Variants in KCNH7 observed in about 807,000 individuals in gnomAD.
KCNH7 encodes the protein potassium voltage-gated channel subfamily H member 7, also known as voltage-gated inwardly rectifying potassium channel KCNH7.
In KCNH7, 49 loss-of-function variants were observed where a neutral mutation model predicts 120.8. That is an observed-to-expected ratio of 0.41 (90% CI 0.32 to 0.51). The LOEUF is 0.51. Among genes scored for constraint, KCNH7 ranks in the 20% least tolerant of loss-of-function variants. The pLI is 0.38. For missense variants in KCNH7, 1,097 were observed against 1,446.6 expected, an observed-to-expected ratio of 0.76 and a Z score of 3.92; for synonymous variants, 547 against 516.1, an observed-to-expected ratio of 1.06 and a Z score of -0.81.
chr2:162,769,207 C>T (rs1394128962), intron 2 of KCNH7, among the ~76,000 whole-genome samples: 4 of 151,738 alleles, frequency 2.6e-5, no homozygotes, highest in Admixed American at 1.3e-4. Context: ...AACAGACCTC[C>T]GCTCTCTTGC....
intron 12 of KCNH7, among the ~76,000 whole-genome samples, chr2:162,392,226 T>C (rs565149838): frequency 7.2e-5 from 11 of 152,012 alleles, no homozygotes; most frequent in African/African-American, 2.6e-4. Flanking sequence ...AGATTGACTT[T>C]GATAAAAAAA....
chr2:162,665,321 T>C (rs1395582170), intron 2 of KCNH7, among the ~76,000 whole-genome samples: 3 of 152,122 alleles, frequency 2.0e-5, no homozygotes, highest in African/African-American at 4.8e-5. Flanking sequence ...ATTATAGGTA[T>C]ATTGAATAAA....
intron 9 of KCNH7, among the ~76,000 whole-genome samples, chr2:162,417,911 A>G (rs1247272823): frequency 6.6e-6 from 1 of 152,144 alleles, no homozygotes; most frequent in African/African-American, 2.4e-5. Flanking sequence ...ATTTTGAAGA[A>G]CTGTAGGGTA....
At chr2:162,624,642 T>A (rs2105202681) in intron 2 of KCNH7, among the ~76,000 whole-genome samples, 1 of 152,224 alleles carries the variant, frequency 6.6e-6, no homozygotes, top group East Asian at 1.9e-4. Context: ...ACGTCCTTAC[T>A]CATTTTAGCT....
rs575382400 is a variant in KCNH7 at position 162,669,776 on chromosome 2, A to G, written c.308-132696T>C. ...AAGAATTGTCTCGTCCCAAATGTCA[A>G]TAGTGCTGAGGTAATGTCTAAAGTA... On this transcript the variant is annotated intron_variant, in intron 2 of 15. Coordinates refer to ENST00000332142, the MANE Select transcript of KCNH7 (RefSeq NM_033272.4). Among the ~76,000 whole-genome samples, 17 of 152,286 alleles carry G rather than the reference A, an allele frequency of 1.1e-4. No homozygotes were observed. The South Asian group carries it at 3.1e-3, about 28-fold the overall frequency.
chr2:162,555,960 G>A (rs10203907), intron 2 of KCNH7, among the ~76,000 whole-genome samples: 12,159 of 151,874 alleles, frequency 0.08, 1,661 homozygotes, highest in African/African-American at 0.27. Flanking sequence ...AAAATAGAAC[G>A]CTGCGTATTC....
intron 8 of KCNH7, among the ~76,000 whole-genome samples, chr2:162,429,710 C>A (rs966765379): frequency 2.0e-5 from 3 of 151,566 alleles, no homozygotes; most frequent in Admixed American, 6.6e-5. Flanking sequence ...TTTTCTATAG[C>A]AGCATTTAAT....
At chr2:162,566,895 T>C (rs536787455) in intron 2 of KCNH7, among the ~76,000 whole-genome samples, 1 of 152,086 alleles carries the variant, frequency 6.6e-6, no homozygotes, top group South Asian at 2.1e-4. Flanking sequence ...TCGAGCCTAG[T>C]CTTAAAAAAA....
chr2:162,394,578 C>A, intron 11 of KCNH7, 93 bp from the exon 12 acceptor site: 1 of 749,102 alleles, frequency 1.3e-6, no homozygotes, highest in South Asian at 1.7e-5. Flanking sequence ...CATATTGTTT[C>A]AACCATCTTG....
In KCNH7 at chr2:162,689,254, A is replaced by T. The variant is rs369710594; in HGVS notation, c.307+147283T>A. Among the ~76,000 whole-genome samples, 24 of 152,146 alleles carry T rather than the reference A, an allele frequency of 1.6e-4. 1 individual carries two copies. The highest frequency in any genetic ancestry group is 1.1e-3 in the Admixed American group (17 of 15,264). On this transcript the variant is annotated intron_variant, in intron 2 of 15. Coordinates refer to ENST00000332142, the MANE Select transcript of KCNH7 (RefSeq NM_033272.4). ...CAACCTACATCTCCCAAGTTCAAGC[A>T]GTTCTCCTGTCTCAGCTTCCTGAGT...
At chr2:162,669,260 G>A (rs561934749) in intron 2 of KCNH7, among the ~76,000 whole-genome samples, 2 of 152,194 alleles carry the variant, frequency 1.3e-5, no homozygotes, top group African/African-American at 4.8e-5. Context: ...CCAATGTAGA[G>A]CAAATAAAAT....
chr2:162,660,326 A>G (rs866144364), intron 2 of KCNH7, among the ~76,000 whole-genome samples: 4 of 152,096 alleles, frequency 2.6e-5, no homozygotes, highest in Admixed American at 6.5e-5. Flanking sequence ...ATTCTGTTTT[A>G]ATTTCCATTT....
At chr2:162,814,067 C>T (rs886819442) in intron 2 of KCNH7, among the ~76,000 whole-genome samples, 1 of 152,080 alleles carries the variant, frequency 6.6e-6, no homozygotes, top group African/African-American at 2.4e-5. Context: ...TGCCAAGCGA[C>T]CTTGGGCAAT....
At chr2:162,744,984 G>T (rs1316410930) in intron 2 of KCNH7, among the ~76,000 whole-genome samples, 7 of 152,168 alleles carry the variant, frequency 4.6e-5, no homozygotes, top group Non-Finnish European at 8.8e-5. Flanking sequence ...CCACATACAA[G>T]TAAACAAACA....
At chr2:162,561,486 T>G (rs1281813833) in intron 2 of KCNH7, among the ~76,000 whole-genome samples, 1 of 152,198 alleles carries the variant, frequency 6.6e-6, no homozygotes, top group Non-Finnish European at 1.5e-5. Context: ...CCACAATGGT[T>G]GAACTAATTC....
chr2:162,599,536 A>C (rs1694483896), intron 2 of KCNH7, among the ~76,000 whole-genome samples: 1 of 151,942 alleles, frequency 6.6e-6, no homozygotes, highest in African/African-American at 2.4e-5. Context: ...TTGACAGTGA[A>C]AAGCTTTGTA....
chr2:162,474,286 A>G (rs1689658908), intron 6 of KCNH7, among the ~76,000 whole-genome samples: 1 of 152,212 alleles, frequency 6.6e-6, no homozygotes, highest in Non-Finnish European at 1.5e-5. Flanking sequence ...GTCTTTATGC[A>G]CTGTATATAA....
chr2:162,599,950 G>T (rs540027201), intron 2 of KCNH7, among the ~76,000 whole-genome samples: 3 of 152,028 alleles, frequency 2.0e-5, no homozygotes, highest in Non-Finnish European at 4.4e-5. Flanking sequence ...GCAGTTGGAG[G>T]TCTATTTAGT....
At chr2:162,391,444 T>C (rs1350073345) in intron 12 of KCNH7, among the ~76,000 whole-genome samples, 1 of 152,108 alleles carries the variant, frequency 6.6e-6, no homozygotes, top group Non-Finnish European at 1.5e-5. Flanking sequence ...GACTTTGGAA[T>C]AGGCTCTTGG....
Sources: gnomAD v4.1 joint callset for allele counts (sites outside exome capture counted in the v4.1 genomes callset) on GRCh38, gnomAD v4.1.1 for gene constraint, MANE v1.5 for transcripts, NCBI Gene and HGNC (gene_info 2026-07-23, HGNC 2026-07-21) for gene names.